The following AFG2A variants were observed in gnomAD, a reference collection of about 807,000 sequenced individuals.
The protein encoded by AFG2A is ATPase family gene 2 protein homolog A.
At chr4:123,229,577 C>G in the AFG2A span, among the ~76,000 whole-genome samples, 1 of 151,730 alleles carries the variant, frequency 6.6e-6, no homozygotes, top group African/African-American at 2.4e-5. Flanking sequence ...ACAGTGGGAA[C>G]AGAACAAAGT....
the AFG2A span, among the ~76,000 whole-genome samples, chr4:123,313,371 AG>A: frequency 6.6e-6 from 1 of 152,224 alleles, no homozygotes; most frequent in Non-Finnish European, 1.5e-5. Context: ...ATACACATAA[AG>A]AAATGCTTTT....
chr4:123,084,580 G>GTATA, the AFG2A span, among the ~76,000 whole-genome samples: 331 of 132,324 alleles, frequency 2.5e-3, 10 homozygotes, highest in East Asian at 0.061. Context: ...TATGTAAATA[G>GTATA]TATATATATA....
chr4:123,105,912 T>C, the AFG2A span, among the ~76,000 whole-genome samples: 2 of 152,146 alleles, frequency 1.3e-5, no homozygotes, highest in African/African-American at 4.8e-5. Context: ...GTATATCGTG[T>C]AAGTTTAGTT....
the AFG2A span, among the ~76,000 whole-genome samples, chr4:123,107,149 T>C: frequency 6.6e-6 from 1 of 152,208 alleles, no homozygotes; most frequent in African/African-American, 2.4e-5. Context: ...CCCCTAGGTC[T>C]GGGCTCCCCA....
At chr4:123,090,969 G>T in the AFG2A span, among the ~76,000 whole-genome samples, 1 of 152,214 alleles carries the variant, frequency 6.6e-6, no homozygotes, top group South Asian at 2.1e-4. Flanking sequence ...TTCATTGCAA[G>T]CTAGTCTCTC....
chr4:123,192,486 C>G, the AFG2A span, among the ~76,000 whole-genome samples: 1 of 152,212 alleles, frequency 6.6e-6, no homozygotes, highest in Non-Finnish European at 1.5e-5. Context: ...CTACATTTAA[C>G]TGTTTAATTT....
At chr4:123,239,538 T>TAAAG in the AFG2A span, among the ~76,000 whole-genome samples, 2 of 151,504 alleles carry the variant, frequency 1.3e-5, no homozygotes, top group Admixed American at 6.6e-5. Flanking sequence ...TCAACATTCT[T>TAAAG]AAAAGAATTT....
At chr4:123,158,288 A>C in the AFG2A span, among the ~76,000 whole-genome samples, 1 of 152,340 alleles carries the variant, frequency 6.6e-6, no homozygotes, top group South Asian at 2.1e-4. Flanking sequence ...TCTTTTGTAC[A>C]TTTAAAAGTG....
chr4:123,115,724 C>A, the AFG2A span, among the ~76,000 whole-genome samples: 8 of 152,108 alleles, frequency 5.3e-5, no homozygotes, highest in Non-Finnish European at 1.0e-4. Flanking sequence ...CACCCACACC[C>A]GTGCCCCACC....
At chr4:123,308,463 A>C in the AFG2A span, among the ~76,000 whole-genome samples, 41 of 152,026 alleles carry the variant, frequency 2.7e-4, 1 homozygote, top group Admixed American at 2.7e-3. Flanking sequence ...TTACCACCTG[A>C]GCTCCACCTC....
At chr4:123,072,256 A>G in the AFG2A span, among the ~76,000 whole-genome samples, 3 of 152,184 alleles carry the variant, frequency 2.0e-5, no homozygotes, top group Non-Finnish European at 4.4e-5. Context: ...GACACAGAGC[A>G]ACTTACACAT....
chr4:123,009,405 G>A, the AFG2A span, among the ~76,000 whole-genome samples: 1 of 152,158 alleles, frequency 6.6e-6, no homozygotes, highest in Non-Finnish European at 1.5e-5. Context: ...AAACTTATCT[G>A]GTCAGATTGG....
At chr4:123,082,641 G>T in the AFG2A span, among the ~76,000 whole-genome samples, 2 of 151,204 alleles carry the variant, frequency 1.3e-5, no homozygotes, top group African/African-American at 2.4e-5. Context: ...TATTGAATTA[G>T]CTATTTTGGA....
the AFG2A span, among the ~76,000 whole-genome samples, chr4:122,993,165 T>A: frequency 6.6e-6 from 1 of 151,792 alleles, no homozygotes; most frequent in Non-Finnish European, 1.5e-5. Flanking sequence ...TTTGTGCTTT[T>A]TTTTTTTAGT....
the AFG2A span, among the ~76,000 whole-genome samples, chr4:123,019,693 G>T: frequency 6.6e-6 from 1 of 152,112 alleles, no homozygotes; most frequent in African/African-American, 2.4e-5. Flanking sequence ...TTTGTGTAAA[G>T]ACAGATATTT....
the AFG2A span, among the ~76,000 whole-genome samples, chr4:123,177,582 A>T: frequency 1.3e-5 from 2 of 152,134 alleles, no homozygotes; most frequent in Middle Eastern, 3.2e-3. Context: ...ATTTCTTTTT[A>T]AAAAAGTAAA....
At chr4:123,241,176 G>A in the AFG2A span, among the ~76,000 whole-genome samples, 3 of 152,178 alleles carry the variant, frequency 2.0e-5, no homozygotes, top group African/African-American at 4.8e-5. Context: ...GGACCAGACA[G>A]ATTCACAGCC....
the AFG2A span, among the ~76,000 whole-genome samples, chr4:123,088,907 A>G: frequency 6.6e-6 from 1 of 152,176 alleles, no homozygotes; most frequent in African/African-American, 2.4e-5. Context: ...GAACGGTCTA[A>G]TACAGATATA....
chr4:123,278,624 C>T, the AFG2A span, among the ~76,000 whole-genome samples: 6 of 152,112 alleles, frequency 3.9e-5, no homozygotes, highest in African/African-American at 1.2e-4. Context: ...ACTGCCTTAG[C>T]GGTGTCCCAG....
Sources: allele counts gnomAD v4.1 joint callset (sites outside exome capture counted in the v4.1 genomes callset), GRCh38; gene constraint gnomAD v4.1.1; transcripts MANE v1.5; gene names NCBI Gene and HGNC (gene_info 2026-07-23, HGNC 2026-07-21).